The following MAP6D1 variants were observed in gnomAD, a reference collection of about 807,000 sequenced individuals.
MAP6D1 encodes the protein MAP6 domain-containing protein 1.
In MAP6D1, 13 loss-of-function variants were observed where a neutral mutation model predicts 17.4. The ratio of observed to expected loss-of-function variants is 0.75; its 90% CI spans 0.49 to 1.19. The LOEUF is 1.19. Ranked by LOEUF, MAP6D1 falls within the 50% of genes most tolerant of loss-of-function variation. The pLI is 0.00. For synonymous variants in MAP6D1, 141 were observed against 145.7 expected, an observed-to-expected ratio of 0.97 and a Z score of 0.23; for missense variants, 313 against 312.6, an observed-to-expected ratio of 1.00 and a Z score of -0.01.
chr3:183,821,291 C>T (rs1205843066), intron 1 of MAP6D1, among the ~76,000 whole-genome samples: 1 of 152,150 alleles, frequency 6.6e-6, no homozygotes, highest in Non-Finnish European at 1.5e-5. Context: ...AATTTGATCT[C>T]TGGGGCAAGT....
chr3:183,825,076 C>T, intron 1 of MAP6D1, 71 bp downstream of exon 1: 2 of 1,288,934 alleles, frequency 1.6e-6, no homozygotes, highest in African/African-American at 3.1e-5. Context: ...CACCCCATCC[C>T]TCTGGCTCCG....
chr3:183,817,526 C>T (rs1452387498), intron 2 of MAP6D1, 90 bp from the exon 3 acceptor site: 1 of 1,187,356 alleles, frequency 8.4e-7, no homozygotes, highest in African/African-American at 1.5e-5. Flanking sequence ...AAAATCCCCT[C>T]CCATCCTCTG....
intron 1 of MAP6D1, among the ~76,000 whole-genome samples, chr3:183,819,207 G>A (rs1028681029): frequency 6.6e-6 from 1 of 152,262 alleles, no homozygotes; most frequent in Admixed American, 6.5e-5. Context: ...GGCTGCGTGG[G>A]CAGGGAATGG....
At chr3:183,822,413 C>T (rs1477769420) in intron 1 of MAP6D1, among the ~76,000 whole-genome samples, 1 of 152,052 alleles carries the variant, frequency 6.6e-6, no homozygotes, top group Non-Finnish European at 1.5e-5. Flanking sequence ...TGCACTCCAG[C>T]CTGGGCAACA....
rs867682635 is a variant in MAP6D1 at position 183,817,397 on chromosome 3, C to T, written c.559G>A (p.Ala187Thr). 16 of 1,571,044 alleles carry T rather than the reference C, an allele frequency of 1.0e-5. 1 individual carries two copies. Among genetic ancestry groups the T allele is most frequent in the African/African-American group, 2.7e-5 (2 of 74,262 alleles). ...VRKKFTPNPS[A>T]IFQASAPRIL... ...CGGGGAGCTGAGGCCTGAAAGATGGCGGAGGGGTTAGGAGTGAACTTCTTC... is the reference window on the plus strand; with the variant it reads ...CGGGGAGCTGAGGCCTGAAAGATGGTGGAGGGGTTAGGAGTGAACTTCTTC... The change falls in exon 3 of 3, where the codon GCC becomes ACC. Residue 187 changes from alanine to threonine, a missense_variant. Ala to Thr is a moderately conservative substitution (Grantham distance 58). Transcript: ENST00000318631.
In MAP6D1 at chr3:183,817,100, C is replaced by T. The variant is rs540286868; in HGVS notation, c.*256G>A. 2.5e-4 allele frequency: 122 copies of T among 479,302 alleles called. No individual in the cohort carries two copies. The highest frequency in any genetic ancestry group is 4.3e-4 in the Non-Finnish European group (114 of 263,050). 29.7% of individuals were successfully genotyped at this position (479,302 alleles called of 1,614,324 possible). A position where few individuals can be genotyped will look rare whatever the true frequency, so the allele number is the denominator to read the frequency against. On this transcript the variant is annotated 3_prime_UTR_variant, in exon 3 of 3. Transcript: ENST00000318631. ...CCTCAGAGATTTCAAAACTGAGAGA[C>T]GGCCAGATGGCAGTTAACGAACGCA...
intron 1 of MAP6D1, 137 bp downstream of exon 1, chr3:183,825,010 C>G: frequency 1.0e-6 from 1 of 972,834 alleles, no homozygotes; most frequent in Non-Finnish European, 1.3e-6. Flanking sequence ...TCTGAGGCCG[C>G]CGGCAGCTCC....
intron 1 of MAP6D1, among the ~76,000 whole-genome samples, chr3:183,820,768 A>C (rs149528426): frequency 6.6e-6 from 1 of 151,858 alleles, no homozygotes; most frequent in South Asian, 2.1e-4. Flanking sequence ...TTAGCCAGGC[A>C]TGGTGGCGGG....
At position 183,825,525 on chromosome 3, in the gene MAP6D1, C is replaced by A. The variant is rs1377908491; in HGVS notation, c.23G>T (p.Arg8Leu). The change falls in exon 1 of 3, where the codon CGC becomes CTC. Residue 8 changes from arginine (R) to leucine (L), a missense_variant. Arg to Leu is a moderately radical substitution (Grantham distance 102, BLOSUM62 -2). Transcript: ENST00000318631. ...CCAGCGCCGCGCCAGGCAGCACAGGCGGCTGATACAGGGCCACGCCATGCC... is the reference window on the plus strand; with the variant it reads ...CCAGCGCCGCGCCAGGCAGCACAGGAGGCTGATACAGGGCCACGCCATGCC... MAWPCIS[R>L]LCCLARRWNQ... 1 of 1,381,752 alleles carries A rather than the reference C, an allele frequency of 7.2e-7. No homozygotes were observed. The highest frequency in any genetic ancestry group is 1.6e-5 in the South Asian group (1 of 63,828). The allele number at this position is 1,381,752 out of a possible 1,614,324, so 85.6% of individuals were successfully genotyped here. A position where few individuals can be genotyped will look rare whatever the true frequency, so the allele number is the denominator to read the frequency against.
rs1248140794 is a variant in MAP6D1 at position 183,815,960 on chromosome 3, TA to T, written c.*1395del. On this transcript the variant is annotated 3_prime_UTR_variant, in exon 3 of 3. Coordinates refer to ENST00000318631, the MANE Select transcript of MAP6D1 (RefSeq NM_024871.4). The stretch of plus-strand genomic sequence containing the variant: ...GTAAAATCTGAGATTGTACAGTTTT[TA>T]ATCTCATTTCCACAGACACCCAGCA... 6.6e-6 allele frequency: 1 copy of T among 152,240 alleles called. No homozygotes were observed. The highest frequency in any genetic ancestry group is 2.4e-5 in the African/African-American group (1 of 41,452). 9.4% of individuals were successfully genotyped at this position (152,240 alleles called of 1,614,324 possible).
chr3:183,825,068 C>G, intron 1 of MAP6D1, 79 bp downstream of exon 1: 1 of 1,272,988 alleles, frequency 7.9e-7, no homozygotes, highest in Non-Finnish European at 1.0e-6. Flanking sequence ...CTGCCGCCCA[C>G]CCCATCCCTC....
chr3:183,821,425 G>A (rs1329667715), intron 1 of MAP6D1, among the ~76,000 whole-genome samples: 1 of 152,130 alleles, frequency 6.6e-6, no homozygotes, highest in African/African-American at 2.4e-5. Flanking sequence ...AGGGAGTGCT[G>A]AGCCTGGTGT....
At chr3:183,820,776 G>T (rs868775510) in intron 1 of MAP6D1, among the ~76,000 whole-genome samples, 2 of 152,044 alleles carry the variant, frequency 1.3e-5, no homozygotes, top group African/African-American at 4.8e-5. Flanking sequence ...GCATGGTGGC[G>T]GGCGCCTGTA....
intron 1 of MAP6D1, chr3:183,820,135 G>A (rs1383898713): frequency 6.6e-6 from 1 of 152,312 alleles, no homozygotes; most frequent in East Asian, 1.9e-4. Flanking sequence ...GGTCCTGCAG[G>A]GGTGAAGAAG....
At chr3:183,819,097 C>G (rs187327693) in intron 1 of MAP6D1, among the ~76,000 whole-genome samples, 6 of 152,340 alleles carry the variant, frequency 3.9e-5, no homozygotes, top group African/African-American at 1.4e-4. Flanking sequence ...CGGAGTTGCT[C>G]CTGCCCAGGC....
At position 183,818,614 on chromosome 3, in the gene MAP6D1, T is replaced by C. The variant is rs567807173; in HGVS notation, c.402-503A>G. Reference sequence around the variant, plus strand: ...TGACTGCTTATGCCTGAAGAGGAAATGCCCTCAGCACCGGGCACAGCCCTG... The same window carrying C: ...TGACTGCTTATGCCTGAAGAGGAAACGCCCTCAGCACCGGGCACAGCCCTG... On this transcript the variant is annotated intron_variant, in intron 1 of 2. Transcript: ENST00000318631. Among the ~76,000 whole-genome samples the C allele has an allele frequency of 2.0e-3, 300 of 152,326 alleles. 2 individuals are homozygous for C. The highest frequency in any genetic ancestry group is 6.9e-3 in the African/African-American group (285 of 41,574).
chr3:183,820,667 G>A (rs1389468837), intron 1 of MAP6D1, among the ~76,000 whole-genome samples: 2 of 151,684 alleles, frequency 1.3e-5, no homozygotes, highest in Non-Finnish European at 2.9e-5. Context: ...CAGGAGGCTG[G>A]GGCGGGCGGA....
At chr3:183,817,513 G>GA (rs550942313) in intron 2 of MAP6D1, 77 bp from the exon 3 acceptor site, 583 of 1,325,822 alleles carry the variant, frequency 4.4e-4, no homozygotes, top group Non-Finnish European at 5.7e-4. Flanking sequence ...CCAGCTCCAG[G>GA]AAAAAATCCC....
rs1463381801 is a variant in MAP6D1, at chr3:183,825,269, C to T, written c.279G>A (p.Ala93=). The change falls in exon 1 of 3, where the codon GCG becomes GCA. Residue 93 remains alanine, a synonymous_variant. Coordinates refer to ENST00000318631, the MANE Select transcript of MAP6D1 (RefSeq NM_024871.4). ...CGGAGGATTTGCCCCTGCGGCCGCC[C>T]GCCCCCGGTCCGCGCCCCGGCGGCG... ...KDPPPGRGPG[A]GGRRGKSSAQ... The T allele has an allele frequency of 2.2e-6, 3 of 1,342,300 alleles. No individual in the cohort carries two copies. The highest frequency in any genetic ancestry group is 4.2e-5 in the Admixed American group (1 of 24,086). 83.1% of individuals were successfully genotyped at this position (1,342,300 alleles called of 1,614,324 possible).
Sources: allele counts gnomAD v4.1 joint callset (sites outside exome capture counted in the v4.1 genomes callset), GRCh38; gene constraint gnomAD v4.1.1; transcripts MANE v1.5; gene names NCBI Gene and HGNC (gene_info 2026-07-23, HGNC 2026-07-21).